The following HELLS variants were observed in gnomAD, a reference collection of about 807,000 sequenced individuals.
HELLS encodes the protein lymphoid-specific helicase.
Under a neutral mutation model 120.0 loss-of-function variants are expected in HELLS, and 32 were observed. The ratio of observed to expected loss-of-function variants is 0.27; its 90% CI spans 0.20 to 0.36. The LOEUF is 0.36. Ranked by LOEUF, HELLS falls within the 10% of genes least tolerant of loss-of-function variation. The pLI is 1.00. For synonymous variants in HELLS, 341 were observed against 323.4 expected, an observed-to-expected ratio of 1.05 and a Z score of -0.58; for missense variants, 650 against 993.4, an observed-to-expected ratio of 0.65 and a Z score of 4.65.
At chr10:94,546,959 A>G (rs1278294025) in intron 2 of HELLS, among the ~76,000 whole-genome samples, 1 of 152,200 alleles carries the variant, frequency 6.6e-6, no homozygotes, top group Non-Finnish European at 1.5e-5. Flanking sequence ...TGATTTCCTT[A>G]TACTGTAGTG....
Position 94,546,411 on chromosome 10 carries a change from C to T in HELLS, c.66C>T (p.Asp22=), listed in dbSNP as rs774611336. 3 of 1,613,994 alleles carry T rather than the reference C, an allele frequency of 1.9e-6. No homozygotes were observed. Among genetic ancestry groups the T allele is most frequent in the Admixed American group, 1.7e-5 (1 of 60,004 alleles). The change falls in exon 2 of 22, where the codon GAC becomes GAT. Residue 22 remains aspartate, a synonymous_variant. Transcript: ENST00000348459. ...CTCCAGCAATGGTTGAACAACTGGACACTGCTGTGATTACCCCGGCCATGC... is the reference window on the plus strand; with the variant it reads ...CTCCAGCAATGGTTGAACAACTGGATACTGCTGTGATTACCCCGGCCATGC... ...SEAPAMVEQL[D]TAVITPAMLE...
chr10:94,561,108 G>A (rs1015039193), intron 4 of HELLS, among the ~76,000 whole-genome samples: 18 of 151,140 alleles, frequency 1.2e-4, no homozygotes, highest in African/African-American at 4.4e-4. Flanking sequence ...TGACTCACTT[G>A]CTAATTTCAG....
intron 2 of HELLS, 68 bp from the exon 3 acceptor site, chr10:94,554,058 C>G (rs1344706561): frequency 7.5e-7 from 1 of 1,329,046 alleles, no homozygotes; most frequent in Non-Finnish European, 1.0e-6. Flanking sequence ...TTTTATTAAA[C>G]TTTATGCCAA....
intron 4 of HELLS, among the ~76,000 whole-genome samples, chr10:94,558,644 C>T (rs1232437075): frequency 6.6e-6 from 1 of 151,992 alleles, no homozygotes; most frequent in East Asian, 1.9e-4. Context: ...CTCTGTCACC[C>T]AGGCTGGAGT....
chr10:94,576,536 A>G (rs185445167), intron 9 of HELLS, 126 bp from the exon 10 acceptor site: 6 of 502,492 alleles, frequency 1.2e-5, no homozygotes, highest in Non-Finnish European at 2.0e-5. Context: ...TTATTTTGCT[A>G]TAGAAAAATA....
chr10:94,591,873 C>T (rs1477686819), intron 15 of HELLS, among the ~76,000 whole-genome samples: 1 of 152,162 alleles, frequency 6.6e-6, no homozygotes, highest in Non-Finnish European at 1.5e-5. Flanking sequence ...AGAATTCTAG[C>T]AGTAGTTTAC....
In HELLS at chr10:94,558,278, C is replaced by T. The variant is rs1042263693; in HGVS notation, c.333+83C>T. On this transcript the variant is annotated intron_variant, in intron 4 of 21. Coordinates refer to ENST00000348459, the MANE Select transcript of HELLS (RefSeq NM_018063.5). ...GTATTCTTCTGACTTTTTTGATCAT[C>T]TGTTTAATTTTAAGTTTCTTTAGTG... 2.8e-6 allele frequency: 4 copies of T among 1,439,960 alleles called. No individual in the cohort carries two copies. The African/African-American group carries it at 4.4e-5, about 16-fold the overall frequency. 89.2% of individuals were successfully genotyped at this position (1,439,960 alleles called of 1,614,324 possible). A position where few individuals can be genotyped will look rare whatever the true frequency, so the allele number is the denominator to read the frequency against.
Position 94,554,092 on chromosome 10 carries a change from T to G in HELLS, c.154-34T>G, listed in dbSNP as rs1032589716. The G allele has an allele frequency of 2.6e-6, 4 of 1,529,274 alleles. No individual in the cohort carries two copies. The African/African-American group carries it at 5.8e-5, about 22-fold the overall frequency. The allele number at this position is 1,529,274 out of a possible 1,614,324, so 94.7% of individuals were successfully genotyped here. ...AAAAAAATTAAGGTATGTCAGAAAGTGTTCATAATTATGGAAATTTTCTCT... is the reference window on the plus strand; with the variant it reads ...AAAAAAATTAAGGTATGTCAGAAAGGGTTCATAATTATGGAAATTTTCTCT... On this transcript the variant is annotated intron_variant, in intron 2 of 21. Coordinates refer to ENST00000348459, the MANE Select transcript of HELLS (RefSeq NM_018063.5).
At chr10:94,562,222 G>C (rs906533149) in intron 4 of HELLS, among the ~76,000 whole-genome samples, 1 of 152,046 alleles carries the variant, frequency 6.6e-6, no homozygotes, top group Non-Finnish European at 1.5e-5. Flanking sequence ...GGCCAACGTG[G>C]TGAAACCCCA....
At chr10:94,584,453 A>C (rs1383818758) in intron 12 of HELLS, among the ~76,000 whole-genome samples, 1 of 152,134 alleles carries the variant, frequency 6.6e-6, no homozygotes, top group African/African-American at 2.4e-5. Flanking sequence ...TAGTTATAGA[A>C]GCTTTTAAAT....
chr10:94,580,301 C>T (rs1338237472), intron 10 of HELLS, among the ~76,000 whole-genome samples: 2 of 150,402 alleles, frequency 1.3e-5, no homozygotes, highest in South Asian at 4.2e-4. Flanking sequence ...TCCTGCCTCG[C>T]CTCCTGAGTA....
At chr10:94,602,730 G>T (rs535689943), downstream of HELLS, among the ~76,000 whole-genome samples, 10 of 152,170 alleles carry the variant, frequency 6.6e-5, no homozygotes, top group Non-Finnish European at 1.5e-4. Flanking sequence ...TGAGGTACAG[G>T]TGGGTTTTGG....
intron 2 of HELLS, among the ~76,000 whole-genome samples, chr10:94,551,640 A>G (rs1425625262): frequency 2.0e-5 from 3 of 152,198 alleles, no homozygotes; most frequent in Non-Finnish European, 4.4e-5. Context: ...GTAAGGCAAT[A>G]TAAAATGATA....
At chr10:94,555,700 C>T (rs1036638962) in intron 3 of HELLS, among the ~76,000 whole-genome samples, 6 of 152,192 alleles carry the variant, frequency 3.9e-5, no homozygotes, top group African/African-American at 1.4e-4. Context: ...ACCATCTCAG[C>T]TCACTGCAAC....
chr10:94,575,689 G>A (rs1346270361), intron 9 of HELLS, among the ~76,000 whole-genome samples: 4 of 151,132 alleles, frequency 2.6e-5, no homozygotes, highest in African/African-American at 9.7e-5. Context: ...CCACAGTGGT[G>A]GGATTACAGG....
At chr10:94,585,241 G>A (rs911196789) in intron 12 of HELLS, among the ~76,000 whole-genome samples, 6 of 151,082 alleles carry the variant, frequency 4.0e-5, no homozygotes, top group South Asian at 4.2e-4. Context: ...ATGCGTACAC[G>A]GTAAGATATT....
chr10:94,591,945 G>A (rs547193626), intron 15 of HELLS, among the ~76,000 whole-genome samples: 4 of 152,314 alleles, frequency 2.6e-5, no homozygotes, highest in Non-Finnish European at 5.9e-5. Flanking sequence ...TACCCATTAA[G>A]TTTGACATAA....
chr10:94,572,116 T>C (rs1844207910), intron 7 of HELLS, among the ~76,000 whole-genome samples: 1 of 152,228 alleles, frequency 6.6e-6, no homozygotes, highest in Admixed American at 6.5e-5. Flanking sequence ...TTGGTTTTTA[T>C]TCTTTGTTAA....
At chr10:94,558,569 G>A (rs10786169) in intron 4 of HELLS, among the ~76,000 whole-genome samples, 1 of 151,936 alleles carries the variant, frequency 6.6e-6, no homozygotes, top group African/African-American at 2.4e-5. Flanking sequence ...ACATACTGTG[G>A]GTCAGGTGTG....
Sources: allele counts gnomAD v4.1 joint callset (sites outside exome capture counted in the v4.1 genomes callset), GRCh38; gene constraint gnomAD v4.1.1; transcripts MANE v1.5; gene names NCBI Gene and HGNC (gene_info 2026-07-23, HGNC 2026-07-21).